The following UGT1A9 variants were observed in gnomAD, a reference collection of about 807,000 sequenced individuals.
UGT1A9 encodes UDP glucuronosyltransferase family 1 member A9, also known as UDP-glucuronosyltransferase 1A9.
In UGT1A9, 35 loss-of-function variants were observed where a neutral mutation model predicts 45.0. The ratio of observed to expected loss-of-function variants is 0.78; its 90% CI spans 0.59 to 1.03. UGT1A9 has a LOEUF of 1.03. UGT1A9 is among the 50% of genes least tolerant of loss of function. UGT1A9 has a pLI of 0.00. For missense variants in UGT1A9, 687 were observed against 666.6 expected (o/e 1.03, Z -0.34); for synonymous variants, 278 against 250.6 (o/e 1.11, Z -1.03).
chr2:233,702,732 C>A (rs1221378723), intron 1 of UGT1A9, among the ~76,000 whole-genome samples: 1 of 152,088 alleles, frequency 6.6e-6, no homozygotes, highest in African/African-American at 2.4e-5. Flanking sequence ...ACATGGTTTT[C>A]TTTTTGGTCC....
chr2:233,763,429 C>G (rs192488384), intron 1 of UGT1A9, among the ~76,000 whole-genome samples: 230 of 152,268 alleles, frequency 1.5e-3, no homozygotes, highest in South Asian at 0.014. Context: ...CAGGCAGTTG[C>G]TTTAATAAGT....
intron 2 of UGT1A9, 113 bp downstream of exon 2, chr2:233,767,278 T>A: frequency 6.3e-7 from 1 of 1,578,298 alleles, no homozygotes; most frequent in Non-Finnish European, 8.5e-7. Flanking sequence ...GGCTTTTCCC[T>A]GCCACTTCCC....
intron 1 of UGT1A9, among the ~76,000 whole-genome samples, chr2:233,724,591 T>C (rs2077285744): frequency 8.2e-6 from 1 of 122,228 alleles, no homozygotes; most frequent in Non-Finnish European, 1.7e-5. Context: ...TCCCCACATC[T>C]CAGACGATGG....
intron 1 of UGT1A9, among the ~76,000 whole-genome samples, chr2:233,763,564 T>C (rs1698345105): frequency 6.6e-6 from 1 of 152,236 alleles, no homozygotes; most frequent in Non-Finnish European, 1.5e-5. Context: ...AAGTTACTGT[T>C]CTTATTTTCT....
At chr2:233,700,807 GGT>G (rs2075588613) in intron 1 of UGT1A9, among the ~76,000 whole-genome samples, 1 of 151,690 alleles carries the variant, frequency 6.6e-6, no homozygotes, top group African/African-American at 2.4e-5. Context: ...GTGCCATGTT[GGT>G]GTGCTGCACC....
chr2:233,701,016 A>G (rs1263282230), intron 1 of UGT1A9, among the ~76,000 whole-genome samples: 1 of 152,140 alleles, frequency 6.6e-6, no homozygotes, highest in Non-Finnish European at 1.5e-5. Context: ...GATGGTTTCC[A>G]GTTTCATCCA....
intron 1 of UGT1A9, among the ~76,000 whole-genome samples, chr2:233,757,057 G>A (rs1201778154): frequency 6.6e-6 from 1 of 151,606 alleles, no homozygotes; most frequent in Non-Finnish European, 1.5e-5. Flanking sequence ...TTGGGGAACA[G>A]CAAGGGATCC....
Position 233,734,360 on chromosome 2 carries a change from C to A in UGT1A9, c.856-32674C>A, listed in dbSNP as rs565800937. 2.0e-5 allele frequency among the ~76,000 whole-genome samples: 3 copies of A among 152,192 alleles called. No homozygotes were observed. The East Asian group carries it at 5.8e-4, about 29-fold the overall frequency. On this transcript the variant is annotated intron_variant, in intron 1 of 4. Transcript: ENST00000354728. ...ATGGTAGTTTGTATTTCTGTGGGAT[C>A]GGTGGTGATATTGCCTTTACTATTT...
chr2:233,713,409 C>T (rs904986481), intron 1 of UGT1A9: 5 of 1,614,030 alleles, frequency 3.1e-6, no homozygotes, highest in Non-Finnish European at 4.2e-6. Flanking sequence ...CCTGATCAGG[C>T]ACCTGCATGC....
chr2:233,762,954 A>G (rs1248639717), intron 1 of UGT1A9, among the ~76,000 whole-genome samples: 1 of 152,252 alleles, frequency 6.6e-6, no homozygotes, highest in Admixed American at 6.5e-5. Context: ...TTCTGGCAAT[A>G]GGAAAGATGC....
At chr2:233,758,509 A>G (rs1575759497) in intron 1 of UGT1A9, among the ~76,000 whole-genome samples, 1 of 152,232 alleles carries the variant, frequency 6.6e-6, no homozygotes, top group Non-Finnish European at 1.5e-5. Context: ...TAATAAGGAC[A>G]CAACAAAGAG....
intron 4 of UGT1A9, chr2:233,771,176 C>A (rs887864017): frequency 1.1e-4 from 17 of 152,256 alleles, no homozygotes; most frequent in African/African-American, 4.1e-4. Context: ...CTGGGGATTA[C>A]AATTCAACAT....
intron 1 of UGT1A9, among the ~76,000 whole-genome samples, chr2:233,695,869 A>C (rs1462453921): frequency 6.6e-6 from 1 of 152,204 alleles, no homozygotes; most frequent in Non-Finnish European, 1.5e-5. Flanking sequence ...AACAACAAAC[A>C]ACGCAGAAAA....
intron 1 of UGT1A9, among the ~76,000 whole-genome samples, chr2:233,764,816 T>C (rs4148326): frequency 0.49 from 74,710 of 151,838 alleles, 18,875 homozygotes; most frequent in African/African-American, 0.6. Flanking sequence ...AACCAAAAAA[T>C]GCAGCATGGT....
chr2:233,760,310 G>T (rs768521253), intron 1 of UGT1A9: 3 of 1,613,706 alleles, frequency 1.9e-6, no homozygotes, highest in Non-Finnish European at 2.5e-6. Context: ...TCCCAGGGCG[G>T]ACGCCCACTT....
At chr2:233,725,746 A>G (rs561123272) in intron 1 of UGT1A9, among the ~76,000 whole-genome samples, 3 of 152,340 alleles carry the variant, frequency 2.0e-5, no homozygotes, top group African/African-American at 7.2e-5. Context: ...AAACATTGTA[A>G]GAGACTTACA....
intron 1 of UGT1A9, among the ~76,000 whole-genome samples, chr2:233,748,498 T>G (rs1180536491): frequency 2.0e-5 from 3 of 151,812 alleles, no homozygotes; most frequent in Non-Finnish European, 4.4e-5. Flanking sequence ...TGTGATAATT[T>G]TTAGTGGTCC....
At chr2:233,681,939 T>C (rs1160422234) in intron 1 of UGT1A9, 3 of 1,612,020 alleles carry the variant, frequency 1.9e-6, no homozygotes, top group Non-Finnish European at 2.5e-6. Context: ...AGTTCTCTGA[T>C]GGCTCGTGCA....
In UGT1A9 at chr2:233,754,546, T is replaced by C. The variant is rs548396817; in HGVS notation, c.856-12488T>C. The C allele has an allele frequency of 8.9e-5, 34 of 380,532 alleles. No homozygotes were observed. In the Middle Eastern group the frequency reaches 1.9e-3, roughly 21 times the overall value. 23.6% of individuals were successfully genotyped at this position (380,532 alleles called of 1,614,324 possible). A position where few individuals can be genotyped will look rare whatever the true frequency, so the allele number is the denominator to read the frequency against. On this transcript the variant is annotated intron_variant, in intron 1 of 4. Transcript: ENST00000354728. ...AAAGGCAAATGTGGACTGGAATTAC[T>C]TGGTGTCAATGGGGAGCAACTGCTC...
Sources: gnomAD v4.1 joint callset for allele counts (sites outside exome capture counted in the v4.1 genomes callset) on GRCh38, gnomAD v4.1.1 for gene constraint, MANE v1.5 for transcripts, NCBI Gene and HGNC (gene_info 2026-07-23, HGNC 2026-07-21) for gene names.